The following LRMDA variants were observed in gnomAD, a reference collection of about 807,000 sequenced individuals.
LRMDA encodes leucine rich melanocyte differentiation associated.
In LRMDA, 18 loss-of-function variants were observed where a neutral mutation model predicts 29.8. That is an observed-to-expected ratio of 0.60 (90% confidence interval 0.42 to 0.90). The LOEUF is 0.90. LRMDA is among the 40% of genes least tolerant of loss of function. The probability of loss-of-function intolerance (pLI) is 0.00; values close to 1 mark genes in which losing one functional copy is unlikely to be tolerated. For synonymous variants in LRMDA, 125 were observed against 109.4 expected (o/e 1.14, Z -0.89); for missense variants, 273 against 273.9 (o/e 1.00, Z 0.02).
intron 6 of LRMDA, among the ~76,000 whole-genome samples, chr10:76,379,506 A>G (rs1002939652): frequency 6.6e-6 from 1 of 152,114 alleles, no homozygotes; most frequent in Non-Finnish European, 1.5e-5. Context: ...TTGTATGCAT[A>G]GAAATGCCCA....
In LRMDA at chr10:75,564,656, G is replaced by C. The variant is rs993053557; in HGVS notation, c.131+126162G>C. On this transcript the variant is annotated intron_variant, in intron 2 of 6. Coordinates refer to ENST00000611255, the MANE Select transcript of LRMDA (RefSeq NM_001305581.2). ...ACGCTGGGAGCTGTAGACCGGAGCTGTTCCTATTCGGCCATCTTGGCTGCC... is the reference window on the plus strand; with the variant it reads ...ACGCTGGGAGCTGTAGACCGGAGCTCTTCCTATTCGGCCATCTTGGCTGCC... Among the ~76,000 whole-genome samples the C allele has an allele frequency of 2.0e-5, 3 of 152,242 alleles. No homozygotes were observed. In the South Asian group the frequency reaches 6.2e-4, roughly 31 times the overall value.
At chr10:76,170,706 A>G (rs1898093) in intron 5 of LRMDA, among the ~76,000 whole-genome samples, 28,852 of 152,226 alleles carry the variant, frequency 0.19, 3,204 homozygotes, top group East Asian at 0.52. Context: ...AATGTTATAC[A>G]TGTAAAATTT....
chr10:75,757,548 G>A (rs922984665), intron 2 of LRMDA, among the ~76,000 whole-genome samples: 2 of 152,126 alleles, frequency 1.3e-5, no homozygotes, highest in African/African-American at 4.8e-5. Flanking sequence ...ATCCCAGCCT[G>A]GCTGTTTGTC....
intron 2 of LRMDA, among the ~76,000 whole-genome samples, chr10:75,523,689 G>T (rs1468657269): frequency 6.6e-6 from 1 of 152,192 alleles, no homozygotes; most frequent in East Asian, 1.9e-4. Flanking sequence ...ACCTGAAACT[G>T]TCCCAGACTG....
intron 5 of LRMDA, among the ~76,000 whole-genome samples, chr10:76,152,925 C>G (rs1224565648): frequency 6.6e-6 from 1 of 151,886 alleles, no homozygotes; most frequent in Non-Finnish European, 1.5e-5. Flanking sequence ...ACTGCAACCT[C>G]CACCTCCTGG....
At chr10:76,022,674 C>G (rs531194136) in intron 2 of LRMDA, among the ~76,000 whole-genome samples, 2 of 152,168 alleles carry the variant, frequency 1.3e-5, no homozygotes, top group Non-Finnish European at 2.9e-5. Context: ...GCTAGGAAAG[C>G]CTTCCCCACC....
intron 2 of LRMDA, among the ~76,000 whole-genome samples, chr10:75,485,841 G>T (rs1190436732): frequency 6.6e-6 from 1 of 152,196 alleles, no homozygotes; most frequent in Non-Finnish European, 1.5e-5. Flanking sequence ...GCATCCCAAA[G>T]TGCTGGGGTT....
Position 76,134,801 on chromosome 10 carries a change from C to T in LRMDA, c.516+76018C>T, listed in dbSNP as rs994878176. 8.5e-5 allele frequency among the ~76,000 whole-genome samples: 13 copies of T among 152,210 alleles called. No individual in the cohort carries two copies. In the East Asian group the frequency reaches 2.5e-3, roughly 29 times the overall value. On this transcript the variant is annotated intron_variant, in intron 5 of 6. Coordinates refer to ENST00000611255, the MANE Select transcript of LRMDA (RefSeq NM_001305581.2). ...GATTTCCCTCCAATAAAATTTGATACATTACTTACAAATTGCTAAATAATA... is the reference window on the plus strand; with the variant it reads ...GATTTCCCTCCAATAAAATTTGATATATTACTTACAAATTGCTAAATAATA...
At chr10:75,877,694 A>G (rs1845221852) in intron 2 of LRMDA, among the ~76,000 whole-genome samples, 1 of 152,244 alleles carries the variant, frequency 6.6e-6, no homozygotes, top group African/African-American at 2.4e-5. Flanking sequence ...TAGTTAGTAT[A>G]AAAATGTGCC....
Position 76,381,806 on chromosome 10 carries a change from T to G in LRMDA, c.601+57321T>G, listed in dbSNP as rs149920683. On this transcript the variant is annotated intron_variant, in intron 6 of 6. Coordinates refer to ENST00000611255, the MANE Select transcript of LRMDA (RefSeq NM_001305581.2). ...TCAGCTACCATCTTGTATTGTCCTG[T>G]GAAGTCTCATCTGTTCTCTTCTTGG... is the stretch of plus-strand genomic sequence containing the variant. 2.0e-5 allele frequency among the ~76,000 whole-genome samples: 3 copies of G among 152,346 alleles called. No homozygotes were observed. In the East Asian group the frequency reaches 5.8e-4, roughly 29 times the overall value.
intron 2 of LRMDA, among the ~76,000 whole-genome samples, chr10:75,811,971 G>A (rs557478105): frequency 1.2e-4 from 18 of 152,050 alleles, no homozygotes; most frequent in African/African-American, 2.9e-4. Flanking sequence ...CTTTGTGCCC[G>A]CTGTGATGCC....
intron 2 of LRMDA, among the ~76,000 whole-genome samples, chr10:75,852,436 G>A (rs1355126884): frequency 6.6e-6 from 1 of 151,914 alleles, no homozygotes; most frequent in Non-Finnish European, 1.5e-5. Context: ...TTAATTGGAT[G>A]GTAGGAAATG....
chr10:76,151,428 G>A (rs12412341), intron 5 of LRMDA, among the ~76,000 whole-genome samples: 20,994 of 151,964 alleles, frequency 0.14, 1,628 homozygotes, highest in East Asian at 0.24. Context: ...GGCATCTGTC[G>A]CTATTTGAAA....
At chr10:75,854,094 G>A (rs938384679) in intron 2 of LRMDA, among the ~76,000 whole-genome samples, 9 of 152,134 alleles carry the variant, frequency 5.9e-5, no homozygotes, top group South Asian at 2.1e-4. Context: ...TAATGGGGGC[G>A]TGTAATAAAG....
intron 6 of LRMDA, among the ~76,000 whole-genome samples, chr10:76,489,971 C>T (rs2132334202): frequency 6.6e-6 from 1 of 151,872 alleles, no homozygotes; most frequent in African/African-American, 2.4e-5. Flanking sequence ...AAACCTCTTT[C>T]CTTTATAAAT....
At chr10:76,483,381 A>G (rs1371513441) in intron 6 of LRMDA, among the ~76,000 whole-genome samples, 1 of 151,942 alleles carries the variant, frequency 6.6e-6, no homozygotes, top group Non-Finnish European at 1.5e-5. Context: ...TCCAAATCAG[A>G]GAAGGCTGCC....
intron 6 of LRMDA, among the ~76,000 whole-genome samples, chr10:76,512,354 G>A (rs1377014187): frequency 6.6e-6 from 1 of 152,146 alleles, no homozygotes; most frequent in Non-Finnish European, 1.5e-5. Context: ...TATGAAGAAA[G>A]TATAGTACTA....
chr10:75,957,744 G>C (rs558101881), intron 2 of LRMDA, among the ~76,000 whole-genome samples: 1 of 152,318 alleles, frequency 6.6e-6, no homozygotes, highest in African/African-American at 2.4e-5. Flanking sequence ...GAGCGGGAGA[G>C]AGTGAGAGGA....
intron 6 of LRMDA, among the ~76,000 whole-genome samples, chr10:76,476,637 T>A (rs1251890514): frequency 6.6e-6 from 1 of 152,144 alleles, no homozygotes; most frequent in Non-Finnish European, 1.5e-5. Context: ...TAAGCATCGA[T>A]GCAAAAATCC....
Sources: allele counts gnomAD v4.1 joint callset (sites outside exome capture counted in the v4.1 genomes callset), GRCh38; gene constraint gnomAD v4.1.1; transcripts MANE v1.5; gene names NCBI Gene and HGNC (gene_info 2026-07-23, HGNC 2026-07-21).